TMEM223: variants seen among roughly 807,000 people sequenced by gnomAD.
The protein encoded by TMEM223 is transmembrane protein 223.
In TMEM223, 14 loss-of-function variants were observed where a neutral mutation model predicts 14.1. The ratio of observed to expected loss-of-function variants is 0.99; its 90% CI spans 0.66 to 1.55. The LOEUF is 1.55. Among genes scored for constraint, TMEM223 ranks in the 40% most tolerant of loss-of-function variants. The pLI is 0.00. For synonymous variants in TMEM223, 145 were observed against 120.5 expected (o/e 1.20, Z -1.33); for missense variants, 346 against 269.9 (o/e 1.28, Z -1.97).
chr11:62,782,603 G>A, downstream of TMEM223: 1 of 1,557,326 alleles, frequency 6.4e-7, no homozygotes, highest in Non-Finnish European at 8.7e-7. Flanking sequence ...CGAGTGTGCT[G>A]TACAGATGCT....
chr11:62,782,390 G>A (rs2084237056), intron 1 of TMEM223: 2 of 1,561,058 alleles, frequency 1.3e-6, no homozygotes, highest in African/African-American at 1.4e-5. Flanking sequence ...GTGGGTTGGG[G>A]TAAGGAAATG....
downstream of TMEM223, chr11:62,786,958 G>C: frequency 6.9e-7 from 1 of 1,448,394 alleles, no homozygotes. Flanking sequence ...AGGCGGCCCC[G>C]CGTCGGCCTC....
At position 62,791,737 on chromosome 11, in the gene TMEM223, G is replaced by A. The variant is rs1162517252; in HGVS notation, c.258C>T (p.Pro86=). Residue 86 remains proline (P), a synonymous_variant, in exon 1 of 2, where the codon CCC becomes CCT. Transcript: ENST00000307366. ...PLDAEVPNRG[P]FDLRSALWRY... The stretch of plus-strand genomic sequence containing the variant: ...GCCAGAGCGCGGAGCGCAGGTCGAA[G>A]GGGCCACGATTTGGGACCTCCGCAT... The A allele has an allele frequency of 2.6e-6, 4 of 1,560,392 alleles. No individual in the cohort carries two copies. The highest frequency in any genetic ancestry group is 2.4e-5 in the South Asian group (2 of 84,706).
Position 62,778,136 on chromosome 11 carries a change from C to T in TMEM223, c.315-3471G>A. ...CTGAGACAGCTGTCAGAGGTGGCTG[C>T]CGGGGTCCTGCATGGGTTGGGGATG... On this transcript the variant is annotated intron_variant, in intron 1 of 2. Coordinates refer to the TMEM223 transcript ENST00000528367. 1.9e-6 allele frequency: 3 copies of T among 1,614,082 alleles called. No homozygotes were observed. In the South Asian group the frequency reaches 3.3e-5, roughly 18 times the overall value.
At chr11:62,785,972 A>G (rs2084270938), downstream of TMEM223, 1 of 272,990 alleles carries the variant, frequency 3.7e-6, no homozygotes, top group African/African-American at 2.1e-5. Flanking sequence ...GCAGTATGCA[A>G]ACTAAATTTT....
At position 62,790,212 on chromosome 11, in the gene TMEM223, T is replaced by C; in HGVS notation, c.*411A>G. 2 of 757,426 alleles carry C rather than the reference T, an allele frequency of 2.6e-6. No homozygotes were observed. Among genetic ancestry groups the C allele is most frequent in the Non-Finnish European group, 4.1e-6 (2 of 491,048 alleles). The allele number at this position is 757,426 out of a possible 1,614,324, so 46.9% of individuals were successfully genotyped here. On this transcript the variant is annotated 3_prime_UTR_variant, in exon 2 of 2. Transcript: ENST00000307366. Reference sequence around the variant, plus strand: ...CCTCCACCTCTTCCTGCAGCTGTTTTTGTACCAAAATATTATATTACTGTC... The same window carrying C: ...CCTCCACCTCTTCCTGCAGCTGTTTCTGTACCAAAATATTATATTACTGTC...
intron 2 of TMEM223, among the ~76,000 whole-genome samples, chr11:62,772,884 T>C (rs2084159863): frequency 6.6e-6 from 1 of 151,934 alleles, no homozygotes; most frequent in South Asian, 2.1e-4. Flanking sequence ...TTTTTTGTTT[T>C]GTGTTTTTTT....
At chr11:62,789,065 CT>C, downstream of TMEM223, 1 of 1,614,182 alleles carries the variant, frequency 6.2e-7, no homozygotes, top group Non-Finnish European at 8.5e-7. Context: ...TGTGGCCACC[CT>C]GAATGGCTCC....
downstream of TMEM223, chr11:62,787,725 A>C: frequency 1.4e-6 from 1 of 729,132 alleles, no homozygotes; most frequent in Non-Finnish European, 2.3e-6. Flanking sequence ...TCATACTTCG[A>C]AGTTGTCCCC....
At chr11:62,791,211 C>T (rs1027943866) in intron 1 of TMEM223, among the ~76,000 whole-genome samples, 7 of 152,102 alleles carry the variant, frequency 4.6e-5, no homozygotes, top group Non-Finnish European at 8.8e-5. Context: ...AAGGGCAGCC[C>T]TCAGCCTAGG....
At position 62,790,521 on chromosome 11, in the gene TMEM223, C is replaced by T. The variant is rs934624596; in HGVS notation, c.*102G>A. On this transcript the variant is annotated 3_prime_UTR_variant, in exon 2 of 2. Transcript: ENST00000307366. ...GAGCAGTGCTCCTGCCTCACCCTCCCAAAGTGCTGGGATTACAACAGGTGT... is the reference window on the plus strand; with the variant it reads ...GAGCAGTGCTCCTGCCTCACCCTCCTAAAGTGCTGGGATTACAACAGGTGT... The T allele has an allele frequency of 5.1e-6, 6 of 1,179,136 alleles. No homozygotes were observed. The highest frequency in any genetic ancestry group is 7.1e-6 in the Non-Finnish European group (6 of 844,474). The allele number at this position is 1,179,136 out of a possible 1,614,324, so 73.0% of individuals were successfully genotyped here.
At chr11:62,778,292 C>T (rs967582466) in intron 1 of TMEM223, 1 of 1,614,182 alleles carries the variant, frequency 6.2e-7, no homozygotes, top group Non-Finnish European at 8.5e-7. Context: ...TAGTTCATGT[C>T]TCCTACCTGG....
chr11:62,791,221 G>A (rs1280210826), intron 1 of TMEM223, among the ~76,000 whole-genome samples: 2 of 152,050 alleles, frequency 1.3e-5, no homozygotes, highest in African/African-American at 4.8e-5. Flanking sequence ...CTCAGCCTAG[G>A]CTATGACAGG....
Position 62,777,961 on chromosome 11 carries a change from A to G in TMEM223, c.315-3296T>C, listed in dbSNP as rs199668799. On this transcript the variant is annotated intron_variant, in intron 1 of 2. Transcript: ENST00000528367. ...CTCCCTGGATTCAGGCTGCTCTCCA[A>G]TTCCCTTTTTCCTCAGGCTGTGTGT... The G allele has an allele frequency of 8.7e-5, 141 of 1,613,460 alleles. No homozygotes were observed. Among genetic ancestry groups the G allele is most frequent in the Admixed American group, 7.5e-4 (45 of 59,982 alleles).
At chr11:62,786,383 A>G, downstream of TMEM223, 1 of 1,613,968 alleles carries the variant, frequency 6.2e-7, no homozygotes, top group South Asian at 1.1e-5. Flanking sequence ...CTATGGAGCC[A>G]TTCTGGTGAG....
exon 3 of TMEM223, chr11:62,772,027 G>A (rs2084151899): frequency 2.2e-6 from 1 of 452,306 alleles, no homozygotes; most frequent in Non-Finnish European, 4.4e-6. Flanking sequence ...TAAAGATTAG[G>A]AGCAAGGGGT....
downstream of TMEM223, chr11:62,787,538 G>C: frequency 6.4e-7 from 1 of 1,551,836 alleles, no homozygotes; most frequent in Non-Finnish European, 8.6e-7. Context: ...GTGCGGCTGC[G>C]GGGCGGGGTC....
At chr11:62,782,216 G>A (rs756408971) in intron 1 of TMEM223, 1 of 1,614,234 alleles carries the variant, frequency 6.2e-7, no homozygotes, top group Non-Finnish European at 8.5e-7. Context: ...TATGTCCGCT[G>A]TCTGGTGGGC....
chr11:62,783,783 T>C (rs1017073837), downstream of TMEM223, among the ~76,000 whole-genome samples: 11 of 151,810 alleles, frequency 7.2e-5, no homozygotes, highest in Admixed American at 6.6e-5. Context: ...TCTGCCTGCC[T>C]CGGCTTCCCA....
Sources: allele counts gnomAD v4.1 joint callset (sites outside exome capture counted in the v4.1 genomes callset), GRCh38; gene constraint gnomAD v4.1.1; transcripts MANE v1.5; gene names NCBI Gene and HGNC (gene_info 2026-07-23, HGNC 2026-07-21).